The following PTPRD variants were observed in gnomAD, a reference collection of about 807,000 sequenced individuals.
PTPRD encodes protein tyrosine phosphatase receptor type D, also known as receptor-type tyrosine-protein phosphatase delta.
Under a neutral mutation model 214.5 loss-of-function variants are expected in PTPRD, and 34 were observed. The ratio of observed to expected loss-of-function variants is 0.16; its 90% CI spans 0.12 to 0.21. The LOEUF is 0.21. Among genes scored for constraint, PTPRD ranks in the 10% least tolerant of loss-of-function variants. PTPRD has a pLI of 1.00. For synonymous variants in PTPRD, 1,128 were observed against 845.7 expected (o/e 1.33, Z -5.79); for missense variants, 2,545 against 2,398.7 (o/e 1.06, Z -1.27).
intron 3 of PTPRD, among the ~76,000 whole-genome samples, chr9:10,205,344 T>C (rs1404052030): frequency 6.6e-6 from 1 of 151,812 alleles, no homozygotes; most frequent in African/African-American, 2.4e-5. Flanking sequence ...AGATTCCTTT[T>C]TGTGGCCACA....
At chr9:8,832,765 C>A (rs1370417805) in intron 11 of PTPRD, among the ~76,000 whole-genome samples, 1 of 150,808 alleles carries the variant, frequency 6.6e-6, no homozygotes, top group African/African-American at 2.4e-5. Flanking sequence ...CAATATTTCT[C>A]TAAATTGGAG....
intron 5 of PTPRD, among the ~76,000 whole-genome samples, chr9:9,772,692 T>C (rs2098762302): frequency 6.6e-6 from 1 of 152,142 alleles, no homozygotes; most frequent in Non-Finnish European, 1.5e-5. Flanking sequence ...ATAAAGTAAA[T>C]ATTATCTTTT....
At chr9:10,438,285 T>C (rs1232639485) in intron 2 of PTPRD, among the ~76,000 whole-genome samples, 1 of 151,602 alleles carries the variant, frequency 6.6e-6, no homozygotes, top group East Asian at 1.9e-4. Flanking sequence ...TCAAGGAGCA[T>C]CTGGAATTAT....
At chr9:9,971,630 T>G (rs2095108072) in intron 4 of PTPRD, among the ~76,000 whole-genome samples, 1 of 152,146 alleles carries the variant, frequency 6.6e-6, no homozygotes, top group Non-Finnish European at 1.5e-5. Flanking sequence ...TTTTAGTATT[T>G]GTATAGGAAA....
At chr9:8,997,244 T>C (rs1014622556) in intron 11 of PTPRD, among the ~76,000 whole-genome samples, 1 of 152,158 alleles carries the variant, frequency 6.6e-6, no homozygotes, top group Admixed American at 6.6e-5. Context: ...TGGTGCTTTG[T>C]TTTTTCTGCT....
At chr9:8,662,977 T>C (rs903433200) in intron 12 of PTPRD, among the ~76,000 whole-genome samples, 1 of 152,152 alleles carries the variant, frequency 6.6e-6, no homozygotes, top group African/African-American at 2.4e-5. Context: ...GTCTGGAATA[T>C]ACAAATAAAA....
chr9:8,661,034 T>C lies in PTPRD; in HGVS notation c.65-24190A>G, dbSNP rs144488576. Among the ~76,000 whole-genome samples, 877 of 152,166 alleles carry C rather than the reference T, an allele frequency of 5.8e-3. 8 individuals carry two copies. The highest frequency in any genetic ancestry group is 0.027 in the Middle Eastern group (8 of 294). On this transcript the variant is annotated intron_variant, in intron 12 of 45. Transcript: ENST00000381196. ...GCTTGTATCATTTCCCTTTTGCAGA[T>C]GATGAATCTGAGGCTTATTGTTCTC...
intron 5 of PTPRD, among the ~76,000 whole-genome samples, chr9:9,828,110 T>C (rs1404215706): frequency 2.0e-5 from 3 of 152,100 alleles, no homozygotes; most frequent in Non-Finnish European, 1.5e-5. Flanking sequence ...TCCTCAGGGA[T>C]CTAGAACTAG....
intron 7 of PTPRD, among the ~76,000 whole-genome samples, chr9:9,594,209 G>C (rs914148359): frequency 2.0e-5 from 3 of 151,992 alleles, no homozygotes; most frequent in African/African-American, 7.2e-5. Flanking sequence ...ACATGTGAGA[G>C]AGTATATCTT....
At chr9:9,747,598 G>A (rs1019741926) in intron 6 of PTPRD, among the ~76,000 whole-genome samples, 4 of 147,224 alleles carry the variant, frequency 2.7e-5, no homozygotes, top group African/African-American at 1.0e-4. Context: ...CCAGGCTGGA[G>A]TTCAATGGCA....
intron 11 of PTPRD, among the ~76,000 whole-genome samples, chr9:8,985,764 A>G (rs2099340670): frequency 6.6e-6 from 1 of 151,932 alleles, no homozygotes; most frequent in African/African-American, 2.4e-5. Context: ...CCTATTTTCC[A>G]CAATATATTG....
At chr9:10,294,045 C>G (rs2095605375) in intron 3 of PTPRD, among the ~76,000 whole-genome samples, 1 of 151,876 alleles carries the variant, frequency 6.6e-6, no homozygotes, top group South Asian at 2.1e-4. Flanking sequence ...TGACAAGTGT[C>G]CAGGAATCTA....
At chr9:8,557,449 T>TACACAC (rs1047249445) in intron 14 of PTPRD, among the ~76,000 whole-genome samples, 4 of 135,548 alleles carry the variant, frequency 3.0e-5, no homozygotes, top group African/African-American at 1.4e-4. Flanking sequence ...TATATATATA[T>TACACAC]ATATATATTT....
chr9:9,893,810 T>G (rs967349983), intron 5 of PTPRD, among the ~76,000 whole-genome samples: 1 of 151,984 alleles, frequency 6.6e-6, no homozygotes, highest in Admixed American at 6.6e-5. Context: ...TCTTTTAGCC[T>G]GTTCCTTTTA....
intron 16 of PTPRD, 98 bp downstream of exon 16, chr9:8,527,243 CAGTT>C (rs541885377): frequency 1.9e-4 from 234 of 1,244,898 alleles, no homozygotes; most frequent in African/African-American, 1.2e-3. Context: ...TCTACACTGA[CAGTT>C]AGTAAAATGC....
chr9:9,013,713 C>T (rs1272045941), intron 11 of PTPRD, among the ~76,000 whole-genome samples: 5 of 152,118 alleles, frequency 3.3e-5, no homozygotes, highest in South Asian at 2.1e-4. Flanking sequence ...GCAGCCAAGT[C>T]GACTCAAAAC....
intron 44 of PTPRD, among the ~76,000 whole-genome samples, chr9:8,323,458 C>G (rs549860828): frequency 4.6e-5 from 7 of 152,296 alleles, no homozygotes; most frequent in African/African-American, 1.7e-4. Context: ...ATTCACCATT[C>G]TATATGCCAT....
chr9:10,487,199 T>C (rs1473779097), intron 2 of PTPRD, among the ~76,000 whole-genome samples: 1 of 152,168 alleles, frequency 6.6e-6, no homozygotes, highest in African/African-American at 2.4e-5. Context: ...ATAGGTGAAG[T>C]GTGTTTCTTA....
intron 14 of PTPRD, among the ~76,000 whole-genome samples, chr9:8,553,278 G>A (rs2082654197): frequency 6.6e-6 from 1 of 152,140 alleles, no homozygotes; most frequent in South Asian, 2.1e-4. Flanking sequence ...AGAAAAAAAG[G>A]AAAACACAGA....
Sources: allele counts gnomAD v4.1 joint callset (sites outside exome capture counted in the v4.1 genomes callset), GRCh38; gene constraint gnomAD v4.1.1; transcripts MANE v1.5; gene names NCBI Gene and HGNC (gene_info 2026-07-23, HGNC 2026-07-21).